ATAD5: variants seen among roughly 807,000 people sequenced by gnomAD.
ATAD5 encodes ATPase family AAA domain-containing protein 5.
Under a neutral mutation model 176.9 loss-of-function variants are expected in ATAD5, and 58 were observed. The ratio of observed to expected loss-of-function variants is 0.33; its 90% CI spans 0.27 to 0.41. The LOEUF is 0.41. ATAD5 is among the 10% of genes least tolerant of loss of function. ATAD5 has a pLI of 1.00. For missense variants in ATAD5, 1,789 were observed against 2,094.1 expected, an observed-to-expected ratio of 0.85 and a Z score of 2.84; for synonymous variants, 640 against 712.6, an observed-to-expected ratio of 0.90 and a Z score of 1.62.
intron 5 of ATAD5, among the ~76,000 whole-genome samples, chr17:30,844,411 A>C (rs1208931953): frequency 6.6e-6 from 1 of 152,100 alleles, no homozygotes; most frequent in African/African-American, 2.4e-5. Flanking sequence ...GATTACAGGC[A>C]TGAGCCACTG....
At position 30,834,766 on chromosome 17, in the gene ATAD5, C is replaced by T. The variant is rs1905602043; in HGVS notation, c.685C>T (p.Leu229Phe). The change falls in exon 2 of 23, where the codon CTT becomes TTT. Residue 229 changes from leucine to phenylalanine, a missense_variant. Coordinates refer to ENST00000321990, the MANE Select transcript of ATAD5 (RefSeq NM_024857.5). The stretch of plus-strand genomic sequence containing the variant: ...ACCCTTGGCAGAGGAACTAAATTTG[C>T]TTAAAAAAGATGGTAAAGATACTAA... ...SLPLAEELNL[L>F]KKDGKDTKQM... is the part of the protein sequence containing the mutation. 1.2e-6 allele frequency: 2 copies of T among 1,613,808 alleles called. No individual in the cohort carries two copies. Among genetic ancestry groups the T allele is most frequent in the Non-Finnish European group, 8.5e-7 (1 of 1,179,948 alleles).
intron 14 of ATAD5, among the ~76,000 whole-genome samples, chr17:30,874,964 C>G (rs1339923958): frequency 6.6e-6 from 1 of 151,882 alleles, no homozygotes; most frequent in Non-Finnish European, 1.5e-5. Context: ...GCATCTCTTA[C>G]CTGTGGTGTT....
intron 11 of ATAD5, among the ~76,000 whole-genome samples, chr17:30,866,718 G>A (rs1434406218): frequency 2.6e-5 from 4 of 152,008 alleles, no homozygotes; most frequent in African/African-American, 9.7e-5. Flanking sequence ...GAGAGGCTGA[G>A]GCATGAGAAT....
chr17:30,847,781 A>ATGAT (rs1437244221), intron 6 of ATAD5, among the ~76,000 whole-genome samples: 1 of 132,788 alleles, frequency 7.5e-6, no homozygotes, highest in Non-Finnish European at 1.6e-5. Flanking sequence ...GTGCAGTGGC[A>ATGAT]CAGTCTAGGC....
intron 8 of ATAD5, among the ~76,000 whole-genome samples, chr17:30,857,482 C>T (rs930863209): frequency 2.6e-5 from 4 of 152,172 alleles, no homozygotes; most frequent in Admixed American, 6.5e-5. Context: ...TCACAAAGTG[C>T]TGGGGTTACA....
In ATAD5 at chr17:30,835,646, A is replaced by G. The variant is rs765026133; in HGVS notation, c.1565A>G (p.Gln522Arg). The stretch of plus-strand genomic sequence containing the variant: ...TATCAAAATAGAATGAGTTTAAGAC[A>G]AAGGAAAACAGAGTTTTTCAAAAGC... ...KQYQNRMSLRQRKTEFFKSST... is the reference protein window; with the variant it reads ...KQYQNRMSLRRRKTEFFKSST... The change falls in exon 2 of 23, where the codon CAA becomes CGA. Residue 522 changes from glutamine (Q) to arginine (R), a missense_variant. By Grantham distance (43) the Gln-to-Arg change is conservative. Coordinates refer to ENST00000321990, the MANE Select transcript of ATAD5 (RefSeq NM_024857.5). 6.2e-7 allele frequency: 1 copy of G among 1,604,664 alleles called. No homozygotes were observed. Among genetic ancestry groups the G allele is most frequent in the South Asian group, 1.1e-5 (1 of 88,456 alleles).
At position 30,888,491 on chromosome 17, in the gene ATAD5, C is replaced by G. The variant is rs796845971; in HGVS notation, c.4258+1119C>G. Among the ~76,000 whole-genome samples the G allele has an allele frequency of 5.5e-4, 84 of 152,064 alleles. 1 individual carries two copies. Among genetic ancestry groups the G allele is most frequent in the African/African-American group, 2.0e-3 (82 of 41,472 alleles). ...TCTGGGAGATCGAGGCTGCAGTGAG[C>G]CAAGATCACGCCACTGCACTCCAGC... On this transcript the variant is annotated intron_variant, in intron 19 of 22. Transcript: ENST00000321990.
chr17:30,834,297 A>C lies in ATAD5; in HGVS notation c.216A>C (p.Thr72=), dbSNP rs1905563438. The C allele has an allele frequency of 6.2e-7, 1 of 1,613,456 alleles. No homozygotes were observed. Among genetic ancestry groups the C allele is most frequent in the African/African-American group, 1.3e-5 (1 of 74,904 alleles). The change falls in exon 2 of 23, where the codon ACA becomes ACC. Residue 72 remains threonine (T), a synonymous_variant. Coordinates refer to ENST00000321990, the MANE Select transcript of ATAD5 (RefSeq NM_024857.5). The part of the protein sequence containing the change: ...ILDYFRKTSP[T]NEKTQLGKEC... ...ATTATTTTAGAAAGACTTCACCCAC[A>C]AATGAGAAGACACAATTAGGGAAAG...
At chr17:30,832,809 C>T (rs2142294057) in intron 1 of ATAD5, among the ~76,000 whole-genome samples, 1 of 152,322 alleles carries the variant, frequency 6.6e-6, no homozygotes, top group South Asian at 2.1e-4. Context: ...TAAACTAGTT[C>T]ATACATCCAC....
chr17:30,846,638 T>C (rs1426903565), intron 6 of ATAD5, among the ~76,000 whole-genome samples: 1 of 152,072 alleles, frequency 6.6e-6, no homozygotes, highest in Non-Finnish European at 1.5e-5. Context: ...CTTGACCTTG[T>C]GATCCGCCTG....
intron 20 of ATAD5, among the ~76,000 whole-genome samples, chr17:30,893,048 G>C (rs1049867185): frequency 1.3e-5 from 2 of 152,046 alleles, no homozygotes; most frequent in Non-Finnish European, 2.9e-5. Flanking sequence ...TTAAATAAAT[G>C]AGCTTCTAAT....
At chr17:30,859,642 T>C (rs1198833008) in intron 9 of ATAD5, among the ~76,000 whole-genome samples, 1 of 152,166 alleles carries the variant, frequency 6.6e-6, no homozygotes, top group Non-Finnish European at 1.5e-5. Flanking sequence ...ATTATAGGCA[T>C]GAGCCACCAT....
intron 14 of ATAD5, among the ~76,000 whole-genome samples, chr17:30,873,430 G>A (rs1368453747): frequency 2.0e-5 from 3 of 150,352 alleles, no homozygotes; most frequent in African/African-American, 7.3e-5. Context: ...TGATTCTCAT[G>A]CCTCAGCCTC....
chr17:30,894,899 G>A lies in ATAD5; in HGVS notation c.5521G>A (p.Ala1841Thr). The A allele has an allele frequency of 6.3e-7, 1 of 1,597,556 alleles. No homozygotes were observed. The highest frequency in any genetic ancestry group is 8.5e-7 in the Non-Finnish European group (1 of 1,174,554). Residue 1841 changes from alanine to threonine, a missense_variant, in exon 23 of 23, where the codon GCT (alanine) becomes ACT (threonine). Around this residue, in one of 6 missense-constraint regions of ATAD5, gnomAD observed 403 missense variants for 495.1 expected, o/e 0.81. Coordinates refer to ENST00000321990, the MANE Select transcript of ATAD5 (RefSeq NM_024857.5). ...IPKETVNTLA[A>T]DFP is the part of the protein sequence containing the mutation. ...AAAAGAGACTGTGAATACTTTGGCAGCTGACTTCCCTTAATGTTCCATACT... is the reference window on the plus strand; with the variant it reads ...AAAAGAGACTGTGAATACTTTGGCAACTGACTTCCCTTAATGTTCCATACT...
At position 30,878,073 on chromosome 17, in the gene ATAD5, G is replaced by A; in HGVS notation, c.3989G>A (p.Arg1330Gln). 6.2e-7 allele frequency: 1 copy of A among 1,610,774 alleles called. No homozygotes were observed. The highest frequency in any genetic ancestry group is 8.5e-7 in the Non-Finnish European group (1 of 1,178,142). The change falls in exon 17 of 23, where the codon CGA becomes CAA. Residue 1330 changes from arginine to glutamine, a missense_variant. This residue lies in a region of ATAD5 where 194 missense variants were observed against 270.1 expected (regional missense o/e 0.72). Coordinates refer to ENST00000321990, the MANE Select transcript of ATAD5 (RefSeq NM_024857.5). Reference sequence around the variant, plus strand: ...AAAACATTCATGGCAACAACTAAACGACCTGTAATCCTTACTACAAGTGGT... The same window carrying A: ...AAAACATTCATGGCAACAACTAAACAACCTGTAATCCTTACTACAAGTGGT... Reference protein sequence around the residue: ...AIKTFMATTKRPVILTTSDPT... With the variant: ...AIKTFMATTKQPVILTTSDPT...
Position 30,893,693 on chromosome 17 carries a change from A to G in ATAD5, c.4840A>G (p.Arg1614Gly), listed in dbSNP as rs563237257. The change falls in exon 21 of 23, where the codon AGA becomes GGA. Residue 1614 changes from arginine to glycine, a missense_variant. Arg to Gly is a moderately radical substitution (Grantham distance 125). Transcript: ENST00000321990. ...AACCGGAGACGAAGAAAGCAAAGCCAGAGACAAAGGAAACAATCCAGAGAC... is the reference window on the plus strand; with the variant it reads ...AACCGGAGACGAAGAAAGCAAAGCCGGAGACAAAGGAAACAATCCAGAGAC... ...SKTGDEESKA[R>G]DKGNNPETKK... 1 of 1,613,520 alleles carries G rather than the reference A, an allele frequency of 6.2e-7. No homozygotes were observed. Among genetic ancestry groups the G allele is most frequent in the Non-Finnish European group, 8.5e-7 (1 of 1,179,756 alleles).
chr17:30,882,093 C>T (rs552404434), intron 18 of ATAD5, among the ~76,000 whole-genome samples: 1 of 151,904 alleles, frequency 6.6e-6, no homozygotes, highest in South Asian at 2.1e-4. Flanking sequence ...CCCGTGTCTA[C>T]TAAAAATACA....
chr17:30,847,186 G>A (rs1418572059), intron 6 of ATAD5, among the ~76,000 whole-genome samples: 1 of 152,080 alleles, frequency 6.6e-6, no homozygotes, highest in Non-Finnish European at 1.5e-5. Flanking sequence ...AGACTAGTTT[G>A]CCTTTTCTAG....
In ATAD5 at chr17:30,832,420, T is replaced by C; in HGVS notation, c.66+7T>C. 1 of 1,557,328 alleles carries C rather than the reference T, an allele frequency of 6.4e-7. No homozygotes were observed. Among genetic ancestry groups the C allele is most frequent in the Non-Finnish European group, 8.7e-7 (1 of 1,150,700 alleles). ...GAAGGACTGCGAGATTGAGGTGAGG[T>C]TGAGTCGAGGATCTGTTGAGTTCCT... On this transcript the variant is annotated splice_region_variant and intron_variant, in intron 1 of 22. Coordinates refer to ENST00000321990, the MANE Select transcript of ATAD5 (RefSeq NM_024857.5).
Sources: allele counts gnomAD v4.1 joint callset (sites outside exome capture counted in the v4.1 genomes callset), GRCh38; gene constraint gnomAD v4.1.1; regional missense constraint gnomAD v4.1.1; transcripts MANE v1.5; gene names NCBI Gene and HGNC (gene_info 2026-07-23, HGNC 2026-07-21).